The following LIPE variants were observed in gnomAD, a reference collection of about 807,000 sequenced individuals.
LIPE encodes lipase E, hormone sensitive type, also known as hormone-sensitive lipase.
Under a neutral mutation model 88.5 loss-of-function variants are expected in LIPE, and 66 were observed. The ratio of observed to expected loss-of-function variants is 0.75; its 90% CI spans 0.61 to 0.91. The LOEUF is 0.91. Ranked by LOEUF, LIPE falls within the 40% of genes least tolerant of loss-of-function variation. The pLI is 0.00. For synonymous variants in LIPE, 570 were observed against 617.5 expected (o/e 0.92, Z 1.14); for missense variants, 1,346 against 1,434.7 (o/e 0.94, Z 1.00).
At position 42,401,822 on chromosome 19, in the gene LIPE, C is replaced by T; in HGVS notation, c.3221G>A (p.Gly1074Glu). The change falls in exon 10 of 10, where the codon GGG becomes GAG. Residue 1074 changes from glycine to glutamate, a missense_variant. Gly to Glu is a moderately conservative substitution (Grantham distance 98, BLOSUM62 -2). Transcript: ENST00000244289. ...GAAGVDGGCG[G>E]RH ...GGGAACAACAGGCTTTTAGTGTCGC[C>T]CCCCGCAGCCCCCGTCTACCCCCGC... is the stretch of plus-strand genomic sequence containing the variant. The T allele has an allele frequency of 1.4e-6, 2 of 1,477,768 alleles. No homozygotes were observed. Among genetic ancestry groups the T allele is most frequent in the Non-Finnish European group, 1.8e-6 (2 of 1,116,204 alleles). The allele number at this position is 1,477,768 out of a possible 1,614,324, so 91.5% of individuals were successfully genotyped here.
At chr19:42,426,230 C>A in intron 1 of LIPE, 37 bp downstream of exon 1, 2 of 1,568,068 alleles carry the variant, frequency 1.3e-6, no homozygotes, top group South Asian at 2.3e-5. Context: ...GAATGACTGT[C>A]CCTGAGAGGC....
At position 42,426,927 on chromosome 19, in the gene LIPE, G is replaced by T. The variant is rs1395705172; in HGVS notation, c.223C>A (p.Pro75Thr). ...GAAGCAGATTTTTGTTGGGCTCTAG[G>T]TTCCTTCTGGGATTCAGCATCATGT... is the stretch of plus-strand genomic sequence containing the variant. ...AQHDAESQKEPRAQQKSASQE... is the reference protein window; with the variant it reads ...AQHDAESQKETRAQQKSASQE... Residue 75 changes from proline to threonine, a missense_variant, in exon 1 of 10, where the codon CCT becomes ACT. By Grantham distance (38) the Pro-to-Thr change is conservative. Coordinates refer to ENST00000244289, the MANE Select transcript of LIPE (RefSeq NM_005357.4). 6.2e-7 allele frequency: 1 copy of T among 1,614,048 alleles called. No homozygotes were observed. The highest frequency in any genetic ancestry group is 1.3e-5 in the African/African-American group (1 of 74,922).
rs147012229 is a variant in LIPE, at chr19:42,408,077, C to G, written c.1555G>C (p.Asp519His). The part of the protein sequence containing the change: ...SLFTSGRFAI[D>H]PELRGAEFER... ...AACTCAGCCCCACGCAGCTCGGGGTCGATGGCAAAGCGGCCGCTGGTGAAG... is the reference window on the plus strand; with the variant it reads ...AACTCAGCCCCACGCAGCTCGGGGTGGATGGCAAAGCGGCCGCTGGTGAAG... Residue 519 changes from aspartate (D) to histidine (H), a missense_variant, in exon 4 of 10, where the codon GAC (aspartate) becomes CAC (histidine). By Grantham distance (81) the Asp-to-His change is moderately conservative (BLOSUM62 -1). Coordinates refer to ENST00000244289, the MANE Select transcript of LIPE (RefSeq NM_005357.4). The surrounding 1 kb of genome is among the most constrained non-coding windows in gnomAD (Gnocchi z 4.3). 1.2e-6 allele frequency: 2 copies of G among 1,613,806 alleles called. No homozygotes were observed. Among genetic ancestry groups the G allele is most frequent in the South Asian group, 2.2e-5 (2 of 91,074 alleles).
chr19:42,412,587 C>T, intron 1 of LIPE: 1 of 987,054 alleles, frequency 1.0e-6, no homozygotes. Context: ...AGACTCAGCT[C>T]AACTGGTAGT....
rs766076506 is a variant in LIPE, at chr19:42,402,763, G to T, written c.2811C>A (p.Val937=). 1 of 1,588,428 alleles carries T rather than the reference G, an allele frequency of 6.3e-7. No individual in the cohort carries two copies. The highest frequency in any genetic ancestry group is 1.1e-5 in the South Asian group (1 of 89,404). Residue 937 remains valine (V), a synonymous_variant, in exon 9 of 10, where the codon GTC becomes GTA. Transcript: ENST00000244289. ...ELSPMDRGLG[V]RAAFPEGFHP... is the part of the protein sequence containing the mutation. ...GGAAACCCTCGGGGAAGGCGGCACGGACGCCCAGGCCTCTGTCCATGGGGC... is the reference window on the plus strand; with the variant it reads ...GGAAACCCTCGGGGAAGGCGGCACGTACGCCCAGGCCTCTGTCCATGGGGC...
At chr19:42,426,203 G>C in intron 1 of LIPE, 64 bp downstream of exon 1, 1 of 1,369,100 alleles carries the variant, frequency 7.3e-7, no homozygotes, top group Non-Finnish European at 9.7e-7. Context: ...TAAGTTTTTA[G>C]TATTTTTTAA....
intron 8 of LIPE, among the ~76,000 whole-genome samples, chr19:42,404,372 A>T (rs1480956269): frequency 6.6e-6 from 1 of 152,040 alleles, no homozygotes. Flanking sequence ...CTGGGATTAC[A>T]GATGCATGCC....
At position 42,426,325 on chromosome 19, in the gene LIPE, A is replaced by G. The variant is rs1376828025; in HGVS notation, c.825T>C (p.Ser275=). The G allele has an allele frequency of 7.4e-6, 12 of 1,611,124 alleles. No individual in the cohort carries two copies. Among genetic ancestry groups the G allele is most frequent in the Non-Finnish European group, 1.0e-5 (12 of 1,177,708 alleles). The change falls in exon 1 of 10, where the codon AGT becomes AGC. Residue 275 remains serine, a synonymous_variant. Transcript: ENST00000244289. ...KSGYKVMSGY[S]GTSPHEKTSA... is the part of the protein sequence containing the mutation. ...TGGTTTTCTCATGTGGCGACGTCCC[A>G]CTGTATCCTGACATCACTTTATAAC...
chr19:42,425,384 T>C (rs1348519984), intron 1 of LIPE, among the ~76,000 whole-genome samples: 1 of 151,848 alleles, frequency 6.6e-6, no homozygotes, highest in African/African-American at 2.4e-5. Flanking sequence ...CCCCAAATCC[T>C]CTATAGGGAG....
At chr19:42,416,781 T>G (rs541830343) in intron 1 of LIPE, among the ~76,000 whole-genome samples, 47 of 152,332 alleles carry the variant, frequency 3.1e-4, no homozygotes, top group African/African-American at 1.1e-3. Flanking sequence ...CAACAAAATA[T>G]TTCTCAATGA....
At position 42,406,392 on chromosome 19, in the gene LIPE, G is replaced by T. The variant is rs375719035; in HGVS notation, c.2138-4C>A. 2.1e-5 allele frequency: 33 copies of T among 1,609,318 alleles called. No individual in the cohort carries two copies. The African/African-American group carries it at 3.7e-4, about 18-fold the overall frequency. On this transcript the variant is annotated splice_polypyrimidine_tract_variant and splice_region_variant and intron_variant, in intron 6 of 9. Coordinates refer to ENST00000244289, the MANE Select transcript of LIPE (RefSeq NM_005357.4). This position sits in a 1 kb window ranked among gnomAD's most constrained non-coding sequence, Gnocchi z 5.7. ...CAGATTCGTTCCCCTGTTGAGCCTG[G>T]TTTGGGAGAGGGGTGGTTGGTGACA... is the stretch of plus-strand genomic sequence containing the variant.
chr19:42,407,540 G>A lies in LIPE; in HGVS notation c.1842+66C>T. On this transcript the variant is annotated intron_variant, in intron 5 of 9. Coordinates refer to ENST00000244289, the MANE Select transcript of LIPE (RefSeq NM_005357.4). The surrounding 1 kb of genome is among the most constrained non-coding windows in gnomAD (Gnocchi z 5.8). Reference sequence around the variant, plus strand: ...CAGGGCTGCACCCCTCCATGGGGATGCCAAGGTGGGGGCTGCCCACGCTCC... The same window carrying A: ...CAGGGCTGCACCCCTCCATGGGGATACCAAGGTGGGGGCTGCCCACGCTCC... 6.3e-7 allele frequency: 1 copy of A among 1,575,234 alleles called. No homozygotes were observed. Among genetic ancestry groups the A allele is most frequent in the South Asian group, 1.2e-5 (1 of 85,108 alleles).
At chr19:42,411,643 C>T (rs1295584652) in intron 1 of LIPE, among the ~76,000 whole-genome samples, 1 of 152,182 alleles carries the variant, frequency 6.6e-6, no homozygotes, top group Admixed American at 6.5e-5. Context: ...GGCTGTGGAA[C>T]CCCCTCCAAA....
chr19:42,426,125 T>C (rs894430639), intron 1 of LIPE, 142 bp downstream of exon 1: 7 of 471,330 alleles, frequency 1.5e-5, no homozygotes, highest in Non-Finnish European at 2.0e-5. Flanking sequence ...TTTTTTTTTT[T>C]AATAATGGGG....
intron 1 of LIPE, among the ~76,000 whole-genome samples, chr19:42,413,462 A>G (rs986390743): frequency 5.9e-5 from 9 of 152,162 alleles, no homozygotes; most frequent in African/African-American, 1.2e-4. Context: ...TCAGCAGATC[A>G]AGACCATCCT....
intron 1 of LIPE, among the ~76,000 whole-genome samples, chr19:42,413,392 G>C (rs536390227): frequency 4.9e-4 from 75 of 152,318 alleles, no homozygotes; most frequent in Non-Finnish European, 9.4e-4. Context: ...TGGGCCAGGC[G>C]TGGTGGCTCA....
chr19:42,412,279 C>T lies in LIPE; in HGVS notation c.884-1437G>A, dbSNP rs575870237. Reference sequence around the variant, plus strand: ...CCCAAAGCCCAGCACCTTGCCTGTTCCCCTAGAAGAAGGTATTTCCTTTCC... The same window carrying T: ...CCCAAAGCCCAGCACCTTGCCTGTTTCCCTAGAAGAAGGTATTTCCTTTCC... On this transcript the variant is annotated intron_variant, in intron 1 of 9. Coordinates refer to ENST00000244289, the MANE Select transcript of LIPE (RefSeq NM_005357.4). The T allele has an allele frequency of 2.6e-5, 26 of 985,588 alleles. No homozygotes were observed. The South Asian group carries it at 1.1e-3, about 43-fold the overall frequency. 61.1% of individuals were successfully genotyped at this position (985,588 alleles called of 1,614,324 possible). A position where few individuals can be genotyped will look rare whatever the true frequency, so the allele number is the denominator to read the frequency against.
At chr19:42,404,237 A>ATT (rs752058205) in intron 8 of LIPE, among the ~76,000 whole-genome samples, 63 of 98,434 alleles carry the variant, frequency 6.4e-4, no homozygotes, top group South Asian at 2.4e-3. Flanking sequence ...TACTTTTTGT[A>ATT]TTTTTTTTTT....
In LIPE at chr19:42,408,600, G is replaced by T. The variant is rs1646112299; in HGVS notation, c.1420-278C>A. The T allele has an allele frequency of 2.1e-6, 1 of 467,172 alleles. No homozygotes were observed. The highest frequency in any genetic ancestry group is 3.9e-6 in the Non-Finnish European group (1 of 253,610). 28.9% of individuals were successfully genotyped at this position (467,172 alleles called of 1,614,324 possible). On this transcript the variant is annotated intron_variant, in intron 2 of 9. Transcript: ENST00000244289. The surrounding 1 kb of genome is among the most constrained non-coding windows in gnomAD (Gnocchi z 4.3). The stretch of plus-strand genomic sequence containing the variant: ...AAGGCAGTAGGTGGAGAGGGCACCA[G>T]TGATGACTAGGGGTCAGGCTACTTA...
Sources: allele counts gnomAD v4.1 joint callset (sites outside exome capture counted in the v4.1 genomes callset), GRCh38; gene constraint gnomAD v4.1.1; non-coding constraint Gnocchi (gnomAD v3.1); transcripts MANE v1.5; gene names NCBI Gene and HGNC (gene_info 2026-07-23, HGNC 2026-07-21).